The following HMGA2 variants were observed in gnomAD, a reference collection of about 807,000 sequenced individuals.
HMGA2 encodes high mobility group protein HMGI-C.
HMGA2 carries 8 observed loss-of-function variants against 19.1 expected under a neutral mutation model. The observed-to-expected ratio is 0.42, with a 90% confidence interval of 0.25 to 0.76. The LOEUF (loss-of-function observed/expected upper bound fraction) is 0.76. Among genes scored for constraint, HMGA2 ranks in the 30% least tolerant of loss-of-function variants. The pLI is 0.28. For synonymous variants in HMGA2, 60 were observed against 48.8 expected (o/e 1.23, Z -0.96); for missense variants, 109 against 136.3 (o/e 0.80, Z 1.00).
chr12:65,940,542 TTATTATG>T, intron 3 of HMGA2, among the ~76,000 whole-genome samples: 1 of 152,212 alleles, frequency 6.6e-6, no homozygotes, highest in Non-Finnish European at 1.5e-5. Flanking sequence ...AGCTAGATTT[TTATTATG>T]TTTTTAAAAA....
At chr12:65,828,639 T>C (rs1870337750) in intron 2 of HMGA2, 1 of 170,456 alleles carries the variant, frequency 5.9e-6, no homozygotes, top group African/African-American at 2.4e-5. Flanking sequence ...GCTTTAATTG[T>C]GATAATAAAG....
intron 3 of HMGA2, among the ~76,000 whole-genome samples, chr12:65,906,272 C>T (rs1413727227): frequency 3.9e-5 from 6 of 152,032 alleles, no homozygotes; most frequent in Non-Finnish European, 7.4e-5. Flanking sequence ...CTTGGAGGGG[C>T]GATCCTTTGG....
At chr12:65,842,357 A>G (rs1592379603) in intron 3 of HMGA2, 1 of 615,220 alleles carries the variant, frequency 1.6e-6, no homozygotes, top group East Asian at 2.8e-5. Flanking sequence ...GTTGGAAATT[A>G]TGATTAATTT....
chr12:65,908,031 G>A (rs1178537917), intron 3 of HMGA2, among the ~76,000 whole-genome samples: 1 of 152,124 alleles, frequency 6.6e-6, no homozygotes, highest in African/African-American at 2.4e-5. Context: ...CGTAGAGTCT[G>A]CCAATTAAGC....
chr12:65,850,722 T>G (rs1302194178), intron 3 of HMGA2, among the ~76,000 whole-genome samples: 1 of 152,212 alleles, frequency 6.6e-6, no homozygotes, highest in African/African-American at 2.4e-5. Context: ...TTTATTTATT[T>G]TTTTATTTTT....
intron 3 of HMGA2, chr12:65,914,619 T>C (rs1874997703): frequency 7.1e-6 from 2 of 281,402 alleles, no homozygotes; most frequent in South Asian, 8.2e-5. Flanking sequence ...AATGTGCACA[T>C]GTACCCTAAA....
intron 3 of HMGA2, chr12:65,857,515 C>G (rs1441952909): frequency 1.3e-5 from 2 of 152,116 alleles, no homozygotes; most frequent in Non-Finnish European, 2.9e-5. Context: ...AATTTTTAAA[C>G]CAAAATTTAA....
intron 3 of HMGA2, among the ~76,000 whole-genome samples, chr12:65,875,412 T>G (rs1041602553): frequency 2.6e-5 from 4 of 151,896 alleles, no homozygotes; most frequent in African/African-American, 9.7e-5. Flanking sequence ...TTTTCATATA[T>G]TCAGTTTTGT....
intron 3 of HMGA2, among the ~76,000 whole-genome samples, chr12:65,911,338 G>A (rs577025700): frequency 6.6e-6 from 1 of 152,254 alleles, no homozygotes; most frequent in East Asian, 1.9e-4. Flanking sequence ...TTTAAAGTTA[G>A]TTTTTAGATA....
chr12:65,938,780 G>A (rs2121287337), intron 3 of HMGA2, among the ~76,000 whole-genome samples: 1 of 152,248 alleles, frequency 6.6e-6, no homozygotes, highest in African/African-American at 2.4e-5. Flanking sequence ...CTCCTGAGTA[G>A]TTGAGACTAC....
chr12:65,874,089 C>G (rs1045913268), intron 3 of HMGA2: 2 of 152,074 alleles, frequency 1.3e-5, no homozygotes, highest in Non-Finnish European at 2.9e-5. Flanking sequence ...ACTAATTTTT[C>G]AATTATGTTT....
intron 3 of HMGA2, among the ~76,000 whole-genome samples, chr12:65,865,078 C>A (rs187652035): frequency 9.2e-5 from 14 of 152,250 alleles, no homozygotes; most frequent in African/African-American, 3.1e-4. Flanking sequence ...TTATGATGAT[C>A]CATTTCTACT....
Position 65,960,366 on chromosome 12 carries a change from A to G in HMGA2, c.283-2879A>G, listed in dbSNP as rs139639669. On this transcript the variant is annotated intron_variant, in intron 4 of 4. Coordinates refer to ENST00000403681, the MANE Select transcript of HMGA2 (RefSeq NM_003483.6). ...ACCCTGTGTTAAGTCTGGCCGAACC[A>G]TGACACTTAGGAGAGCTGAGAATGG... Among the ~76,000 whole-genome samples the G allele has an allele frequency of 4.5e-4, 69 of 152,314 alleles. 1 individual carries two copies. In the East Asian group the frequency reaches 0.012, roughly 27 times the overall value.
At position 65,964,577 on chromosome 12, in the gene HMGA2, G is replaced by A. The variant is rs1876854025; in HGVS notation, c.*1285G>A. On this transcript the variant is annotated 3_prime_UTR_variant, in exon 5 of 5. Transcript: ENST00000403681. ...CTCTGAATGTTACAACGAATTTACA[G>A]TCTAGTACTTATTACATGCTGCTAT... The A allele has an allele frequency of 4.6e-6, 1 of 216,018 alleles. No homozygotes were observed. Among genetic ancestry groups the A allele is most frequent in the African/African-American group, 2.3e-5 (1 of 44,370 alleles). 13.4% of individuals were successfully genotyped at this position (216,018 alleles called of 1,614,324 possible). A position where few individuals can be genotyped will look rare whatever the true frequency, so the allele number is the denominator to read the frequency against.
chr12:65,916,417 A>G (rs1246762966), intron 3 of HMGA2, among the ~76,000 whole-genome samples: 3 of 152,186 alleles, frequency 2.0e-5, no homozygotes, highest in Non-Finnish European at 4.4e-5. Context: ...TTCCATTGTT[A>G]CATTTATCTT....
intron 3 of HMGA2, among the ~76,000 whole-genome samples, chr12:65,863,990 A>G (rs1349376293): frequency 2.6e-5 from 4 of 152,184 alleles, no homozygotes. Flanking sequence ...AAGAAATATC[A>G]TTTCCCGCAC....
intron 3 of HMGA2, among the ~76,000 whole-genome samples, chr12:65,850,711 TTTTA>T (rs772625353): frequency 1.1e-4 from 17 of 152,322 alleles, no homozygotes; most frequent in Non-Finnish European, 1.6e-4. Flanking sequence ...TATCCTGTGC[TTTTA>T]TTTATTTTTT....
chr12:65,855,579 G>A (rs1871697859), intron 3 of HMGA2, among the ~76,000 whole-genome samples: 1 of 151,918 alleles, frequency 6.6e-6, no homozygotes, highest in Non-Finnish European at 1.5e-5. Context: ...TCTAGTCTGA[G>A]AAAAAATGGA....
In HMGA2 at chr12:65,886,632, C is replaced by T. The variant is rs1220369442; in HGVS notation, c.249+48063C>T. 3.3e-5 allele frequency among the ~76,000 whole-genome samples: 5 copies of T among 152,122 alleles called. No homozygotes were observed. In the East Asian group the frequency reaches 9.7e-4, roughly 29 times the overall value. On this transcript the variant is annotated intron_variant, in intron 3 of 4. Transcript: ENST00000403681. ...TCGGCCTCCCAAAGTGCTGGGATTA[C>T]AGGCATGAGACACAACGCCCGGCGG... is the stretch of plus-strand genomic sequence containing the variant.
Sources: gnomAD v4.1 joint callset for allele counts (sites outside exome capture counted in the v4.1 genomes callset) on GRCh38, gnomAD v4.1.1 for gene constraint, MANE v1.5 for transcripts, NCBI Gene and HGNC (gene_info 2026-07-23, HGNC 2026-07-21) for gene names.